The following ABCB4 variants were observed in gnomAD, a reference collection of about 807,000 sequenced individuals.
ABCB4 encodes phosphatidylcholine translocator ABCB4.
In ABCB4, 76 loss-of-function variants were observed where a neutral mutation model predicts 145.7. That is an observed-to-expected ratio of 0.52 (90% CI 0.43 to 0.63). ABCB4 has a LOEUF of 0.63. Among genes scored for constraint, ABCB4 ranks in the 30% least tolerant of loss-of-function variants. ABCB4 has a pLI of 0.00. For synonymous variants in ABCB4, 517 were observed against 566.8 expected (o/e 0.91, Z 1.25); for missense variants, 1,234 against 1,553.1 (o/e 0.79, Z 3.45).
chr7:87,395,909 A>G, the ABCB4 span, among the ~76,000 whole-genome samples: 2 of 152,192 alleles, frequency 1.3e-5, no homozygotes, highest in African/African-American at 2.4e-5. Context: ...TTTTACCCCA[A>G]TGGAAGAGAA....
At chr7:87,456,398 G>A in intron 4 of ABCB4, among the ~76,000 whole-genome samples, 1 of 152,128 alleles carries the variant, frequency 6.6e-6, no homozygotes, top group East Asian at 1.9e-4. Flanking sequence ...CACATGAATG[G>A]CTTGGTGCCC....
At chr7:87,391,642 C>T in the ABCB4 span, 2 of 1,611,428 alleles carry the variant, frequency 1.2e-6, no homozygotes, top group Non-Finnish European at 1.7e-6. Flanking sequence ...CATGGCCGTA[C>T]AGAGACTATG....
intron 9 of ABCB4, among the ~76,000 whole-genome samples, chr7:87,446,512 C>T (rs1347359363): frequency 6.6e-6 from 1 of 152,072 alleles, no homozygotes; most frequent in Non-Finnish European, 1.5e-5. Flanking sequence ...TTTAAAAATT[C>T]TGTATCCTAA....
Position 87,418,652 on chromosome 7 carries a change from C to T in ABCB4, c.2395-32G>A, listed in dbSNP as rs757512285. On this transcript the variant is annotated intron_variant, in intron 19 of 27. Transcript: ENST00000649586. ...CATAAAATACACGTTTATGTTAGTTCAAAATTAAAACAAGCAAAGAAAACC... is the reference window on the plus strand; with the variant it reads ...CATAAAATACACGTTTATGTTAGTTTAAAATTAAAACAAGCAAAGAAAACC... 5.0e-6 allele frequency: 8 copies of T among 1,602,208 alleles called. No homozygotes were observed. The South Asian group carries it at 8.8e-5, about 18-fold the overall frequency.
At chr7:87,378,170 C>A in the ABCB4 span, among the ~76,000 whole-genome samples, 1 of 151,710 alleles carries the variant, frequency 6.6e-6, no homozygotes. Context: ...GGCATGAAAC[C>A]CCGTCTCTAC....
chr7:87,473,726 A>AGTGT (rs4015825), intron 2 of ABCB4, among the ~76,000 whole-genome samples: 21,273 of 150,026 alleles, frequency 0.14, 1,624 homozygotes, highest in East Asian at 0.26. Context: ...TCTATGAGGG[A>AGTGT]GTGTGTGTGT....
chr7:87,390,369 T>C, the ABCB4 span, among the ~76,000 whole-genome samples: 1 of 152,202 alleles, frequency 6.6e-6, no homozygotes, highest in Non-Finnish European at 1.5e-5. Context: ...ATTATTTCAT[T>C]TGAGGTTACA....
chr7:87,377,381 AGTACGCTG>A, the ABCB4 span: 19 of 1,610,898 alleles, frequency 1.2e-5, no homozygotes, highest in Non-Finnish European at 1.5e-5. Context: ...GAGATCCAAC[AGTACGCTG>A]GGGTGACAAA....
chr7:87,449,284 G>A (rs1047713652), intron 8 of ABCB4, among the ~76,000 whole-genome samples: 32 of 151,900 alleles, frequency 2.1e-4, no homozygotes, highest in Non-Finnish European at 4.0e-4. Flanking sequence ...GGAAGTCGAT[G>A]TTTTCTCAGG....
At chr7:87,403,505 A>C in intron 26 of ABCB4, 1 of 547,402 alleles carries the variant, frequency 1.8e-6, no homozygotes, top group Non-Finnish European at 3.3e-6. Flanking sequence ...AAATAGGAGG[A>C]GGATACTCTA....
At chr7:87,440,125 C>T in intron 13 of ABCB4, 74 bp downstream of exon 13, 3 of 1,494,696 alleles carry the variant, frequency 2.0e-6, no homozygotes, top group Non-Finnish European at 1.9e-6. Flanking sequence ...ATTAGCTAAA[C>T]CTTTGAAGAA....
chr7:87,467,033 A>G (rs899556735), intron 3 of ABCB4, among the ~76,000 whole-genome samples: 1 of 152,242 alleles, frequency 6.6e-6, no homozygotes, highest in African/African-American at 2.4e-5. Context: ...TGACAGGATC[A>G]AATCCACACA....
chr7:87,392,552 G>A, the ABCB4 span: 36 of 1,610,004 alleles, frequency 2.2e-5, no homozygotes, highest in Admixed American at 1.3e-4. Flanking sequence ...AGTGTCTCTC[G>A]ATTTTTAATA....
At chr7:87,474,592 G>C (rs899487169) in intron 2 of ABCB4, among the ~76,000 whole-genome samples, 1 of 152,118 alleles carries the variant, frequency 6.6e-6, no homozygotes, top group African/African-American at 2.4e-5. Context: ...TTTCTGGGTA[G>C]CCTGGTATGA....
the ABCB4 span, among the ~76,000 whole-genome samples, chr7:87,367,072 T>C: frequency 5.9e-5 from 9 of 152,226 alleles, no homozygotes; most frequent in African/African-American, 1.7e-4. Flanking sequence ...CCCCCATAGA[T>C]GTCTACTTTC....
Position 87,424,191 on chromosome 7 carries a change from T to C in ABCB4, c.2065-139A>G, listed in dbSNP as rs910285526. On this transcript the variant is annotated intron_variant, in intron 16 of 27. Coordinates refer to ENST00000649586, the MANE Select transcript of ABCB4 (RefSeq NM_000443.4). Reference sequence around the variant, plus strand: ...GAATGACAAGCAAACTACTAGAGAGTAGGACAGTATATTATAACATGTTAA... The same window carrying C: ...GAATGACAAGCAAACTACTAGAGAGCAGGACAGTATATTATAACATGTTAA... The C allele has an allele frequency of 4.9e-5, 47 of 950,874 alleles. 1 individual carries two copies. Among genetic ancestry groups the C allele is most frequent in the South Asian group, 4.6e-4 (35 of 76,614 alleles). The allele number at this position is 950,874 out of a possible 1,614,324, so 58.9% of individuals were successfully genotyped here. A position where few individuals can be genotyped will look rare whatever the true frequency, so the allele number is the denominator to read the frequency against.
the ABCB4 span, among the ~76,000 whole-genome samples, chr7:87,376,313 C>T: frequency 1.3e-5 from 2 of 152,042 alleles, no homozygotes; most frequent in Admixed American, 1.3e-4. Context: ...TAATCATAAC[C>T]TGCACTAGTG....
the ABCB4 span, among the ~76,000 whole-genome samples, chr7:87,386,397 A>G: frequency 6.6e-6 from 1 of 152,058 alleles, no homozygotes; most frequent in East Asian, 1.9e-4. Flanking sequence ...CTCAGGTTGT[A>G]TGTGTCCAGG....
the ABCB4 span, among the ~76,000 whole-genome samples, chr7:87,376,570 T>G: frequency 6.6e-6 from 1 of 151,890 alleles, no homozygotes; most frequent in Non-Finnish European, 1.5e-5. Flanking sequence ...TATAGTGAAT[T>G]AATCGGTATT....
Sources: allele counts gnomAD v4.1 joint callset (sites outside exome capture counted in the v4.1 genomes callset), GRCh38; gene constraint gnomAD v4.1.1; transcripts MANE v1.5; gene names NCBI Gene and HGNC (gene_info 2026-07-23, HGNC 2026-07-21).